Variants in NELL1 observed in about 807,000 individuals in gnomAD.
NELL1 encodes the protein protein kinase C-binding protein NELL1.
A neutral mutation model predicts 107.4 loss-of-function variants in NELL1; 76 were observed. The observed-to-expected ratio is 0.71, with a 90% CI of 0.59 to 0.86. NELL1 has a LOEUF of 0.86. Ranked by LOEUF, NELL1 falls within the 40% of genes least tolerant of loss-of-function variation. The pLI is 0.00. For synonymous variants in NELL1, 353 were observed against 341.2 expected, an observed-to-expected ratio of 1.03 and a Z score of -0.38; for missense variants, 1,024 against 1,005.5, an observed-to-expected ratio of 1.02 and a Z score of -0.25.
At chr11:21,534,223 T>TA in intron 15 of NELL1, 151 bp from the exon 16 acceptor site, 1 of 786,822 alleles carries the variant, frequency 1.3e-6, no homozygotes, top group Non-Finnish European at 2.0e-6. Context: ...TTCTGGAAAA[T>TA]ATGGGATTTG....
chr11:20,928,393 G>C lies in NELL1; in HGVS notation c.911G>C (p.Cys304Ser). Reference sequence around the variant, plus strand: ...CTTCCTCAGAGTGGTGCCGTGGAATGCCGAAGGATGTCCTGTCCCCCTCTC... The same window carrying C: ...CTTCCTCAGAGTGGTGCCGTGGAATCCCGAAGGATGTCCTGTCCCCCTCTC... Reference protein sequence around the residue: ...NCTCKSGAVECRRMSCPPLNC... With the variant: ...NCTCKSGAVESRRMSCPPLNC... Residue 304 changes from cysteine to serine, a missense_variant, in exon 9 of 20, where the codon TGC becomes TCC. Physicochemically the swap from Cys to Ser is moderately radical, Grantham distance 112 (BLOSUM62 -1). Transcript: ENST00000357134. 6.2e-7 allele frequency: 1 copy of C among 1,613,936 alleles called. No homozygotes were observed. Among genetic ancestry groups the C allele is most frequent in the Non-Finnish European group, 8.5e-7 (1 of 1,179,882 alleles).
intron 14 of NELL1, among the ~76,000 whole-genome samples, chr11:21,287,814 T>C (rs1261314685): frequency 6.6e-6 from 1 of 151,982 alleles, no homozygotes; most frequent in East Asian, 1.9e-4. Context: ...ATACACTATC[T>C]AGTATTTATT....
chr11:21,539,037 T>C lies in NELL1; in HGVS notation c.1786+4523T>C, dbSNP rs926308941. On this transcript the variant is annotated intron_variant, in intron 16 of 19. Coordinates refer to ENST00000357134, the MANE Select transcript of NELL1 (RefSeq NM_006157.5). ...GCCCCATTTCCATTAGTTAAAATCC[T>C]GATGAAGTCTTACTCTGTAAAGCAG... Among the ~76,000 whole-genome samples, 4 of 152,130 alleles carry C rather than the reference T, an allele frequency of 2.6e-5. No individual in the cohort carries two copies. In the South Asian group the frequency reaches 8.3e-4, roughly 32 times the overall value.
intron 12 of NELL1, among the ~76,000 whole-genome samples, chr11:21,100,069 T>G (rs1854766542): frequency 6.6e-6 from 1 of 151,722 alleles, no homozygotes; most frequent in African/African-American, 2.4e-5. Flanking sequence ...CAGGCTGGAG[T>G]ACAATGTCAC....
At chr11:21,286,475 C>T (rs551407528) in intron 14 of NELL1, among the ~76,000 whole-genome samples, 56 of 152,152 alleles carry the variant, frequency 3.7e-4, no homozygotes, top group Non-Finnish European at 7.3e-4. Flanking sequence ...CCAGATGGCC[C>T]CCTGCACCTC....
intron 3 of NELL1, among the ~76,000 whole-genome samples, chr11:20,837,177 G>A (rs1184812151): frequency 6.6e-6 from 1 of 152,048 alleles, no homozygotes; most frequent in Non-Finnish European, 1.5e-5. Flanking sequence ...TTACCTGAGG[G>A]TATTGGTTAA....
At chr11:20,890,979 G>C (rs1388153338) in intron 5 of NELL1, among the ~76,000 whole-genome samples, 1 of 152,052 alleles carries the variant, frequency 6.6e-6, no homozygotes, top group East Asian at 1.9e-4. Context: ...AGCAAGACAG[G>C]CCAACATGCA....
intron 16 of NELL1, among the ~76,000 whole-genome samples, chr11:21,535,297 G>A (rs11026129): frequency 1.2e-4 from 19 of 152,284 alleles, no homozygotes; most frequent in African/African-American, 4.6e-4. Context: ...TGTCACCTCA[G>A]TTGAATTCTT....
In NELL1 at chr11:21,158,707, T is replaced by G. The variant is rs142352130; in HGVS notation, c.1426+44993T>G. 2.0e-3 allele frequency among the ~76,000 whole-genome samples: 302 copies of G among 152,308 alleles called. 2 individuals carry two copies. The highest frequency in any genetic ancestry group is 7.0e-3 in the African/African-American group (292 of 41,580). ...TATCATATCTACATTTCATTCAAAATTTCTCTAAGTATGGACTTCCTTTAA... is the reference window on the plus strand; with the variant it reads ...TATCATATCTACATTTCATTCAAAAGTTCTCTAAGTATGGACTTCCTTTAA... On this transcript the variant is annotated intron_variant, in intron 13 of 19. Transcript: ENST00000357134.
intron 15 of NELL1, among the ~76,000 whole-genome samples, chr11:21,402,739 C>G (rs1291245366): frequency 6.6e-6 from 1 of 150,794 alleles, no homozygotes; most frequent in Admixed American, 6.6e-5. Flanking sequence ...TAAGCTTTAT[C>G]TCCTATGATG....
At chr11:21,248,497 C>T (rs1457070967) in intron 14 of NELL1, among the ~76,000 whole-genome samples, 1 of 151,992 alleles carries the variant, frequency 6.6e-6, no homozygotes, top group Non-Finnish European at 1.5e-5. Flanking sequence ...GGTTTGTGGC[C>T]ACTGTTTAGA....
intron 13 of NELL1, among the ~76,000 whole-genome samples, chr11:21,122,470 T>C (rs1590657332): frequency 6.6e-6 from 1 of 152,352 alleles, no homozygotes; most frequent in East Asian, 1.9e-4. Context: ...CATATCTATC[T>C]ATCTATCTAT....
intron 14 of NELL1, among the ~76,000 whole-genome samples, chr11:21,271,669 A>G (rs1848742112): frequency 6.6e-6 from 1 of 152,230 alleles, no homozygotes; most frequent in South Asian, 2.1e-4. Context: ...AAAACATCAC[A>G]AGAAAAGAAA....
At chr11:20,956,289 G>A (rs1255767118) in intron 11 of NELL1, among the ~76,000 whole-genome samples, 1 of 152,130 alleles carries the variant, frequency 6.6e-6, no homozygotes, top group East Asian at 1.9e-4. Context: ...ATCAGAGGCA[G>A]AGGACTTGAA....
chr11:21,240,674 A>G (rs1858330687), intron 14 of NELL1, among the ~76,000 whole-genome samples: 1 of 141,806 alleles, frequency 7.1e-6, no homozygotes, highest in African/African-American at 2.6e-5. Context: ...AAGATACAAT[A>G]TATGGATTGC....
intron 15 of NELL1, among the ~76,000 whole-genome samples, chr11:21,496,512 C>T (rs538820420): frequency 6.0e-4 from 91 of 150,864 alleles, no homozygotes; most frequent in East Asian, 4.0e-4. Flanking sequence ...TGGGTTCAAG[C>T]GATTCTCCTG....
intron 15 of NELL1, among the ~76,000 whole-genome samples, chr11:21,450,879 CATAT>C (rs1853559912): frequency 6.6e-6 from 1 of 151,886 alleles, no homozygotes; most frequent in South Asian, 2.1e-4. Context: ...AATAACTGCA[CATAT>C]ATTTTTAGAA....
At chr11:21,346,092 T>G (rs1850678066) in intron 14 of NELL1, among the ~76,000 whole-genome samples, 1 of 152,206 alleles carries the variant, frequency 6.6e-6, no homozygotes, top group African/African-American at 2.4e-5. Context: ...TTTTGGTTCC[T>G]GAAACTAAAA....
intron 12 of NELL1, among the ~76,000 whole-genome samples, chr11:20,978,844 G>A (rs975618510): frequency 6.6e-6 from 1 of 151,898 alleles, no homozygotes; most frequent in Non-Finnish European, 1.5e-5. Context: ...ATTCTCCCAC[G>A]TTACTGCTCT....
Sources: gnomAD v4.1 joint callset for allele counts (sites outside exome capture counted in the v4.1 genomes callset) on GRCh38, gnomAD v4.1.1 for gene constraint, MANE v1.5 for transcripts, NCBI Gene and HGNC (gene_info 2026-07-23, HGNC 2026-07-21) for gene names.